The following FASTKD1 variants were observed in gnomAD, a reference collection of about 807,000 sequenced individuals.
FASTKD1 encodes the protein FAST kinase domains 1.
FASTKD1 carries 94 observed loss-of-function variants against 90.9 expected under a neutral mutation model. The ratio of observed to expected loss-of-function variants is 1.03; its 90% CI spans 0.88 to 1.23. The LOEUF (loss-of-function observed/expected upper bound fraction) is 1.23, where lower values mean the gene tolerates loss of function less well. FASTKD1 is among the 50% of genes most tolerant of loss of function. The pLI is 0.00. For synonymous variants in FASTKD1, 319 were observed against 345.8 expected, an observed-to-expected ratio of 0.92 and a Z score of 0.86; for missense variants, 945 against 993.5, an observed-to-expected ratio of 0.95 and a Z score of 0.66.
rs1415362773 is a variant in FASTKD1, at chr2:169,529,174, C to T, written c.*651G>A. Among the ~76,000 whole-genome samples the T allele has an allele frequency of 6.6e-6, 1 of 152,088 alleles. No individual in the cohort carries two copies. Among genetic ancestry groups the T allele is most frequent in the East Asian group, 1.9e-4 (1 of 5,196 alleles). On this transcript the variant is annotated 3_prime_UTR_variant, in exon 15 of 15. Transcript: ENST00000453153. ...ACAAACTCAACATATCTAAAACAAA[C>T]TTGTGATCAACCCCCACCACCTGCC...
At chr2:169,572,249 T>C (rs957832308) in intron 1 of FASTKD1, 78 bp from the exon 2 acceptor site, 2 of 396,578 alleles carry the variant, frequency 5.0e-6, no homozygotes, top group South Asian at 7.9e-5. Flanking sequence ...ATTAAAGTAA[T>C]ACATTTTTTC....
Position 169,572,183 on chromosome 2 carries a change from T to C in FASTKD1, c.-142-12A>G, listed in dbSNP as rs1333072006. 5.0e-6 allele frequency: 4 copies of C among 805,964 alleles called. No individual in the cohort carries two copies. The highest frequency in any genetic ancestry group is 7.2e-6 in the Non-Finnish European group (4 of 555,832). The allele number at this position is 805,964 out of a possible 1,614,324, so 49.9% of individuals were successfully genotyped here. ...CCAATGTACAGCTTCTATAAAAGAA[T>C]TGGTTTAACATGGTTATGCTTACAT... is the stretch of plus-strand genomic sequence containing the variant. On this transcript the variant is annotated splice_polypyrimidine_tract_variant and intron_variant, in intron 1 of 14. Transcript: ENST00000453153.
chr2:169,528,757 T>G lies in FASTKD1; in HGVS notation c.*1068A>C, dbSNP rs1404163039. On this transcript the variant is annotated 3_prime_UTR_variant, in exon 15 of 15. Transcript: ENST00000453153. ...TCATGTTGCTAAATTTAATAGCCAT[T>G]TCCCATTTGTCATCTTTCCTGACCT... Among the ~76,000 whole-genome samples, 1 of 152,156 alleles carries G rather than the reference T, an allele frequency of 6.6e-6. No homozygotes were observed. Among genetic ancestry groups the G allele is most frequent in the Non-Finnish European group, 1.5e-5 (1 of 68,034 alleles).
intron 2 of FASTKD1, 123 bp downstream of exon 2, chr2:169,571,530 C>T (rs1684229689): frequency 4.4e-6 from 3 of 685,088 alleles, no homozygotes; most frequent in Admixed American, 6.6e-5. Context: ...TGCCACTGCA[C>T]TCCAGCCTGG....
intron 4 of FASTKD1, among the ~76,000 whole-genome samples, 179 bp downstream of exon 4, chr2:169,563,046 C>T (rs137932074): frequency 6.3e-4 from 96 of 152,278 alleles, no homozygotes; most frequent in Admixed American, 2.7e-3. Flanking sequence ...TATGTCTAAT[C>T]CCCACAGCAA....
intron 9 of FASTKD1, among the ~76,000 whole-genome samples, 196 bp downstream of exon 9, chr2:169,544,525 C>T (rs1021793369): frequency 3.9e-5 from 6 of 152,060 alleles, no homozygotes; most frequent in African/African-American, 1.2e-4. Context: ...GAGCCAAGAT[C>T]GCACCACTAC....
intron 3 of FASTKD1, among the ~76,000 whole-genome samples, chr2:169,568,108 C>T (rs1684064889): frequency 6.6e-6 from 1 of 152,198 alleles, no homozygotes. Flanking sequence ...TGAATTAATA[C>T]TGTCCACAGC....
Position 169,573,790 on chromosome 2 carries a change from A to C in FASTKD1, c.-264T>G, listed in dbSNP as rs1684337694. ...CGAAACAGGCTCGGATGTCTCGCCC[A>C]ACCCTCATATCTCAGGGTTTATAAC... On this transcript the variant is annotated 5_prime_UTR_variant, in exon 1 of 15. Coordinates refer to ENST00000453153, the MANE Select transcript of FASTKD1 (RefSeq NM_024622.6). 1 of 152,180 alleles carries C rather than the reference A, an allele frequency of 6.6e-6. No individual in the cohort carries two copies. The highest frequency in any genetic ancestry group is 2.4e-5 in the African/African-American group (1 of 41,452). The allele number at this position is 152,180 out of a possible 1,614,324, so 9.4% of individuals were successfully genotyped here.
intron 3 of FASTKD1, among the ~76,000 whole-genome samples, chr2:169,567,882 A>T (rs1384213440): frequency 6.6e-6 from 1 of 152,136 alleles, no homozygotes; most frequent in Non-Finnish European, 1.5e-5. Context: ...AATCATCCAG[A>T]GTTCCTAGAT....
At chr2:169,569,404 T>C in intron 2 of FASTKD1, 152 bp from the exon 3 acceptor site, 7 of 725,788 alleles carry the variant, frequency 9.6e-6, no homozygotes, top group Non-Finnish European at 1.6e-5. Flanking sequence ...TTCAATATTC[T>C]GATTTTTTGG....
At chr2:169,556,661 T>C (rs58571601) in intron 6 of FASTKD1, among the ~76,000 whole-genome samples, 2,362 of 151,436 alleles carry the variant, frequency 0.016, 70 homozygotes, top group African/African-American at 0.054. Context: ...CCGCTTCTAC[T>C]AAAAAATACA....
At chr2:169,534,855 TC>T (rs1042175616) in intron 12 of FASTKD1, among the ~76,000 whole-genome samples, 2 of 151,834 alleles carry the variant, frequency 1.3e-5, no homozygotes, top group African/African-American at 4.8e-5. Context: ...AACCTTTTTG[TC>T]TTTTTTTTTT....
At chr2:169,557,448 T>C in intron 5 of FASTKD1, 151 bp from the exon 6 acceptor site, 1 of 482,462 alleles carries the variant, frequency 2.1e-6, no homozygotes, top group Non-Finnish European at 3.6e-6. Context: ...CCCACATTAC[T>C]CGAATATAAA....
At chr2:169,564,343 A>G (rs1339825826) in intron 3 of FASTKD1, among the ~76,000 whole-genome samples, 4 of 152,152 alleles carry the variant, frequency 2.6e-5, no homozygotes, top group Non-Finnish European at 4.4e-5. Flanking sequence ...TTTTTAAGAC[A>G]CAGTGTCTCA....
At chr2:169,572,319 A>T (rs1684271177) in intron 1 of FASTKD1, 148 bp from the exon 2 acceptor site, 1 of 214,106 alleles carries the variant, frequency 4.7e-6, no homozygotes. Flanking sequence ...ATCAAAAAAT[A>T]AATGTCCAGA....
rs1258438778 is a variant in FASTKD1 at position 169,542,410 on chromosome 2, C to T, written c.1817-2231G>A. On this transcript the variant is annotated intron_variant, in intron 9 of 14. Transcript: ENST00000453153. The stretch of plus-strand genomic sequence containing the variant: ...AAAGCTCTAATCCTTCAAGGTCAAA[C>T]TGTTCCAAACACAACTCAGGACCCA... Among the ~76,000 whole-genome samples the T allele has an allele frequency of 2.6e-5, 4 of 152,166 alleles. No individual in the cohort carries two copies. The East Asian group carries it at 7.7e-4, about 29-fold the overall frequency.
chr2:169,543,299 A>G (rs1418120776), intron 9 of FASTKD1, among the ~76,000 whole-genome samples: 1 of 152,100 alleles, frequency 6.6e-6, no homozygotes, highest in Non-Finnish European at 1.5e-5. Flanking sequence ...CCCCGTCTCT[A>G]CTAAAAATAC....
At chr2:169,550,859 T>A (rs1574389664) in intron 7 of FASTKD1, among the ~76,000 whole-genome samples, 1 of 152,324 alleles carries the variant, frequency 6.6e-6, no homozygotes, top group East Asian at 1.9e-4. Flanking sequence ...CCACAAAAAA[T>A]TAATACACTA....
intron 1 of FASTKD1, among the ~76,000 whole-genome samples, chr2:169,572,437 G>A (rs1684275699): frequency 6.6e-6 from 1 of 151,712 alleles, no homozygotes; most frequent in Admixed American, 6.6e-5. Flanking sequence ...CAAACTCAGA[G>A]CTGTCTTTTC....
Sources: allele counts gnomAD v4.1 joint callset (sites outside exome capture counted in the v4.1 genomes callset), GRCh38; gene constraint gnomAD v4.1.1; transcripts MANE v1.5; gene names NCBI Gene and HGNC (gene_info 2026-07-23, HGNC 2026-07-21).